Variants in CALN1 observed in about 807,000 individuals in gnomAD.
The protein encoded by CALN1 is calcium-binding protein 8.
Under a neutral mutation model 30.6 loss-of-function variants are expected in CALN1, and 17 were observed. The ratio of observed to expected loss-of-function variants is 0.56; its 90% CI spans 0.38 to 0.83. The LOEUF is 0.83. Ranked by LOEUF, CALN1 falls within the 40% of genes least tolerant of loss-of-function variation. The probability of loss-of-function intolerance (pLI) is 0.00; values close to 1 mark genes in which losing one functional copy is unlikely to be tolerated. For synonymous variants in CALN1, 156 were observed against 131.4 expected, an observed-to-expected ratio of 1.19 and a Z score of -1.28; for missense variants, 291 against 354.9, an observed-to-expected ratio of 0.82 and a Z score of 1.45.
intron 3 of CALN1, among the ~76,000 whole-genome samples, chr7:72,148,326 G>C (rs1404037013): frequency 1.3e-5 from 2 of 151,082 alleles, no homozygotes; most frequent in Admixed American, 1.3e-4. Context: ...CCAGCACTTT[G>C]GGAGGCCGAG....
intron 5 of CALN1, among the ~76,000 whole-genome samples, chr7:71,852,721 G>T (rs1260575899): frequency 2.0e-5 from 3 of 152,128 alleles, no homozygotes; most frequent in African/African-American, 7.2e-5. Flanking sequence ...CCAACATTCG[G>T]TATTTTCAGT....
At chr7:72,344,809 A>C (rs1028055018) in intron 2 of CALN1, among the ~76,000 whole-genome samples, 1 of 147,650 alleles carries the variant, frequency 6.8e-6, no homozygotes, top group Non-Finnish European at 1.5e-5. Flanking sequence ...AAAAAAATGA[A>C]ATCCAGGTTA....
chr7:72,374,009 T>A (rs1914397), intron 2 of CALN1, among the ~76,000 whole-genome samples: 49,539 of 151,988 alleles, frequency 0.33, 9,797 homozygotes, highest in Middle Eastern at 0.51. Flanking sequence ...GAACTCTATA[T>A]CCAGTGGAAA....
At chr7:72,496,294 T>G in the CALN1 span, among the ~76,000 whole-genome samples, 4 of 152,202 alleles carry the variant, frequency 2.6e-5, no homozygotes, top group African/African-American at 9.7e-5. Flanking sequence ...TAATGGAGAA[T>G]GAAAGTAATG....
rs772198450 is a variant in CALN1, at chr7:72,421,573, CTTTTTTTTTTTT to C, written c.-225-9310_-225-9299del. On this transcript the variant is annotated intron_variant, in intron 1 of 6. Coordinates refer to the CALN1 transcript ENST00000395276. ...GATGATAAGATTTCATTTTATCCTA[CTTTTTTTTTTTT>C]TTTTTTTTTTTTTTTTAGACTAAGT... Among the ~76,000 whole-genome samples, 5 of 58,614 alleles carry C rather than the reference CTTTTTTTTTTTT, an allele frequency of 8.5e-5. 1 individual carries two copies. The South Asian group carries it at 2.4e-3, about 28-fold the overall frequency. The allele number at this position is 58,614 out of a possible 152,430, so 38.5% of individuals were successfully genotyped here.
intron 6 of CALN1, among the ~76,000 whole-genome samples, chr7:71,806,305 CCT>C: frequency 7.1e-6 from 1 of 140,786 alleles, no homozygotes. Flanking sequence ...GTTTCCCCCT[CCT>C]TTTTTTTTTT....
intron 5 of CALN1, among the ~76,000 whole-genome samples, chr7:71,952,914 G>C (rs920795802): frequency 1.4e-4 from 22 of 152,054 alleles, no homozygotes; most frequent in African/African-American, 5.3e-4. Context: ...TTCCTCTTTA[G>C]CTTGTCATAA....
chr7:72,339,736 C>T (rs1230844598), intron 2 of CALN1, among the ~76,000 whole-genome samples: 1 of 152,198 alleles, frequency 6.6e-6, no homozygotes, highest in East Asian at 1.9e-4. Flanking sequence ...AAAGGCACAT[C>T]TTACATGGCA....
At chr7:72,410,849 C>A (rs762991749) in intron 1 of CALN1, among the ~76,000 whole-genome samples, 6 of 152,110 alleles carry the variant, frequency 3.9e-5, no homozygotes, top group Non-Finnish European at 7.4e-5. Context: ...TTGCTAAAAT[C>A]AGAAAAAATA....
intron 2 of CALN1, among the ~76,000 whole-genome samples, chr7:72,323,227 A>G (rs115674217): frequency 0.015 from 2,272 of 152,206 alleles, 24 homozygotes; most frequent in African/African-American, 0.027. Flanking sequence ...TGGGAAAGGC[A>G]GGAACCCAGT....
At position 71,851,139 on chromosome 7, in the gene CALN1, C is replaced by CTTGGG. The variant is rs1440317957; in HGVS notation, c.502-40648_502-40647insCCCAA. Among the ~76,000 whole-genome samples, 40 of 150,906 alleles carry CTTGGG rather than the reference C, an allele frequency of 2.7e-4. No individual in the cohort carries two copies. The South Asian group carries it at 8.4e-3, about 32-fold the overall frequency. ...GCTAAGGTGTGAGGGTTGCGTGAAC[C>CTTGGG]CAAGTTACAGTGACCTGTGACTGCA... On this transcript the variant is annotated intron_variant, in intron 5 of 6. Transcript: ENST00000395275.
intron 3 of CALN1, among the ~76,000 whole-genome samples, chr7:72,108,619 C>A (rs1807341581): frequency 6.6e-6 from 1 of 152,264 alleles, no homozygotes; most frequent in African/African-American, 2.4e-5. Context: ...CTTGTTCTTA[C>A]CATACACCCT....
At chr7:71,955,740 G>T (rs998122294) in intron 5 of CALN1, among the ~76,000 whole-genome samples, 1 of 152,042 alleles carries the variant, frequency 6.6e-6, no homozygotes, top group Admixed American at 6.6e-5. Context: ...GAACTCAGGA[G>T]ATCCGTCCTG....
At chr7:71,963,898 C>G (rs928906941) in intron 5 of CALN1, among the ~76,000 whole-genome samples, 1 of 152,172 alleles carries the variant, frequency 6.6e-6, no homozygotes, top group Non-Finnish European at 1.5e-5. Context: ...AATAGTGGAG[C>G]TGGGATTAGG....
intron 2 of CALN1, among the ~76,000 whole-genome samples, chr7:72,287,222 T>A (rs1798141271): frequency 6.6e-6 from 1 of 152,070 alleles, no homozygotes; most frequent in Non-Finnish European, 1.5e-5. Flanking sequence ...CTTCCCTCCC[T>A]CCACAGTGAC....
chr7:72,170,624 C>G (rs1177689347), intron 3 of CALN1, among the ~76,000 whole-genome samples: 1 of 152,168 alleles, frequency 6.6e-6, no homozygotes, highest in Non-Finnish European at 1.5e-5. Context: ...AGTCCTACAT[C>G]CTAAGCTCCA....
At chr7:71,924,012 G>A (rs969633510) in intron 5 of CALN1, among the ~76,000 whole-genome samples, 4 of 151,954 alleles carry the variant, frequency 2.6e-5, no homozygotes, top group Admixed American at 2.0e-4. Context: ...GGCCAACATG[G>A]TGAAACCCCG....
intron 2 of CALN1, among the ~76,000 whole-genome samples, chr7:72,356,900 A>G (rs1238668663): frequency 1.3e-5 from 2 of 152,028 alleles, no homozygotes; most frequent in East Asian, 1.9e-4. Flanking sequence ...GCAATATATT[A>G]GTGCTTGTCA....
chr7:72,312,838 A>ATTT (rs35536629), intron 2 of CALN1, among the ~76,000 whole-genome samples: 2 of 149,130 alleles, frequency 1.3e-5, no homozygotes, highest in Admixed American at 6.7e-5. Flanking sequence ...CCCTATCATA[A>ATTT]TTTTTTTTTT....
Sources: allele counts gnomAD v4.1 joint callset (sites outside exome capture counted in the v4.1 genomes callset), GRCh38; gene constraint gnomAD v4.1.1; transcripts MANE v1.5; gene names NCBI Gene and HGNC (gene_info 2026-07-23, HGNC 2026-07-21).